Variants in NALF1 observed in about 807,000 individuals in gnomAD.
NALF1 encodes family with sequence similarity 155 member A.
Under a neutral mutation model 48.4 loss-of-function variants are expected in NALF1, and 3 were observed. That is an observed-to-expected ratio of 0.06 (90% CI 0.03 to 0.16). The LOEUF is 0.16. NALF1 is among the 10% of genes least tolerant of loss of function. The probability of loss-of-function intolerance (pLI) is 1.00; values close to 1 mark genes in which losing one functional copy is unlikely to be tolerated. For missense variants in NALF1, 526 were observed against 571.5 expected (o/e 0.92, Z 0.81); for synonymous variants, 262 against 245.7 (o/e 1.07, Z -0.62).
intron 1 of NALF1, among the ~76,000 whole-genome samples, chr13:107,627,335 C>A (rs957172275): frequency 2.0e-5 from 3 of 152,038 alleles, no homozygotes; most frequent in Admixed American, 2.0e-4. Context: ...ATTTATCAAA[C>A]CCTGTGTTAT....
chr13:107,413,267 C>A (rs1431057647), intron 1 of NALF1, among the ~76,000 whole-genome samples: 2 of 152,056 alleles, frequency 1.3e-5, no homozygotes, highest in African/African-American at 4.8e-5. Context: ...GAATAAATAA[C>A]CTGGACAGAA....
intron 1 of NALF1, among the ~76,000 whole-genome samples, chr13:107,430,421 C>T (rs1229568915): frequency 6.6e-6 from 1 of 152,046 alleles, no homozygotes; most frequent in East Asian, 1.9e-4. Context: ...GGTATATCTC[C>T]TAATGCTATC....
In NALF1 at chr13:107,865,780, G is replaced by A. The variant is rs758059010; in HGVS notation, c.817C>T (p.His273Tyr). 6.2e-7 allele frequency: 1 copy of A among 1,614,080 alleles called. No individual in the cohort carries two copies. Among genetic ancestry groups the A allele is most frequent in the East Asian group, 2.2e-5 (1 of 44,844 alleles). Residue 273 changes from histidine to tyrosine, a missense_variant, in exon 1 of 3, where the codon CAC becomes TAC. This residue lies in a region of NALF1 where 373 missense variants were observed against 355.5 expected (regional missense o/e 1.05). Transcript: ENST00000375915. ...QCVEAYQDYD[H>Y]HAQEKYEEFE... is the part of the protein sequence containing the mutation. ...TCTTCGTATTTCTCCTGAGCATGGTGGTCATAGTCCTGGTAAGCCTCGACG... is the reference window on the plus strand; with the variant it reads ...TCTTCGTATTTCTCCTGAGCATGGTAGTCATAGTCCTGGTAAGCCTCGACG...
At chr13:107,471,332 A>G (rs2139052756) in intron 1 of NALF1, among the ~76,000 whole-genome samples, 1 of 152,322 alleles carries the variant, frequency 6.6e-6, no homozygotes. Flanking sequence ...ACATATAAGA[A>G]AGAGCATTTT....
intron 1 of NALF1, among the ~76,000 whole-genome samples, chr13:107,333,521 C>A (rs192197925): frequency 1.1e-4 from 17 of 152,304 alleles, no homozygotes; most frequent in Non-Finnish European, 2.9e-5. Context: ...ACATTTTTCA[C>A]TGCTCTGGGC....
chr13:107,762,402 T>A (rs1877288619), intron 1 of NALF1, among the ~76,000 whole-genome samples: 1 of 151,994 alleles, frequency 6.6e-6, no homozygotes, highest in African/African-American at 2.4e-5. Flanking sequence ...ATTGTGCACA[T>A]ATAGCCTAGA....
intron 1 of NALF1, among the ~76,000 whole-genome samples, chr13:107,555,278 T>C (rs1877428071): frequency 6.6e-6 from 1 of 151,548 alleles, no homozygotes; most frequent in African/African-American, 2.4e-5. Context: ...AATTAATTAA[T>C]TAATTAATTT....
intron 1 of NALF1, among the ~76,000 whole-genome samples, chr13:107,468,047 C>CA (rs1287757353): frequency 0.19 from 14,463 of 75,018 alleles, 2,539 homozygotes; most frequent in African/African-American, 0.47. Flanking sequence ...GACTCCGTCT[C>CA]AAAAAAAAAA....
intron 1 of NALF1, among the ~76,000 whole-genome samples, chr13:107,326,514 A>G (rs1882367665): frequency 6.6e-6 from 1 of 152,170 alleles, no homozygotes. Flanking sequence ...TTTTATAGCA[A>G]TGAAAACTGA....
chr13:107,164,799 A>C lies in NALF1; in HGVS notation c.*5698T>G, dbSNP rs1346563076. On this transcript the variant is annotated 3_prime_UTR_variant, in exon 3 of 3. Coordinates refer to ENST00000375915, the MANE Select transcript of NALF1 (RefSeq NM_001080396.3). Reference sequence around the variant, plus strand: ...TTAAGGATGTGAGGTGTTGTTAAAAAAAAAATGTAATTAAGAGATAAGCCA... The same window carrying C: ...TTAAGGATGTGAGGTGTTGTTAAAACAAAAATGTAATTAAGAGATAAGCCA... The C allele has an allele frequency of 6.6e-6, 1 of 152,162 alleles. No homozygotes were observed. The highest frequency in any genetic ancestry group is 1.5e-5 in the Non-Finnish European group (1 of 68,032). The allele number at this position is 152,162 out of a possible 1,614,324, so 9.4% of individuals were successfully genotyped here. A position where few individuals can be genotyped will look rare whatever the true frequency, so the allele number is the denominator to read the frequency against.
chr13:107,440,022 T>C (rs768564243), intron 1 of NALF1, among the ~76,000 whole-genome samples: 8 of 152,222 alleles, frequency 5.3e-5, no homozygotes, highest in Non-Finnish European at 8.8e-5. Flanking sequence ...TTTCACTTAA[T>C]ATTTTGGAAT....
intron 1 of NALF1, among the ~76,000 whole-genome samples, chr13:107,667,388 T>C (rs1276455754): frequency 1.3e-5 from 2 of 152,058 alleles, no homozygotes; most frequent in Non-Finnish European, 2.9e-5. Flanking sequence ...AAGTTTTACT[T>C]CATATAATTT....
intron 1 of NALF1, among the ~76,000 whole-genome samples, chr13:107,325,863 T>C (rs1369249527): frequency 6.6e-5 from 5 of 76,074 alleles, no homozygotes; most frequent in African/African-American, 1.9e-4. Flanking sequence ...CACATATATA[T>C]ATATATATAT....
At chr13:107,319,475 A>T (rs1293819982) in intron 1 of NALF1, among the ~76,000 whole-genome samples, 1 of 152,066 alleles carries the variant, frequency 6.6e-6, no homozygotes, top group African/African-American at 2.4e-5. Flanking sequence ...GGAACAGATA[A>T]AGGCGCAATA....
intron 1 of NALF1, among the ~76,000 whole-genome samples, chr13:107,856,032 G>A (rs1480479720): frequency 6.6e-6 from 1 of 151,904 alleles, no homozygotes; most frequent in Non-Finnish European, 1.5e-5. Context: ...AGCCTCCTGT[G>A]TAGCTGGGAC....
chr13:107,529,724 C>A (rs1876564387), intron 1 of NALF1, among the ~76,000 whole-genome samples: 1 of 152,024 alleles, frequency 6.6e-6, no homozygotes, highest in Non-Finnish European at 1.5e-5. Context: ...CATCTTTTTC[C>A]TTTTTTTAGA....
At chr13:107,525,721 T>C (rs1019655944) in intron 1 of NALF1, among the ~76,000 whole-genome samples, 1 of 152,176 alleles carries the variant, frequency 6.6e-6, no homozygotes, top group Non-Finnish European at 1.5e-5. Flanking sequence ...TACTATTCTG[T>C]GCTGTTTACT....
intron 1 of NALF1, among the ~76,000 whole-genome samples, chr13:107,346,377 A>G (rs1012991985): frequency 6.6e-5 from 10 of 152,204 alleles, no homozygotes; most frequent in African/African-American, 2.4e-4. Context: ...ACGCCACCTA[A>G]ATGTACATCC....
At chr13:107,260,687 T>A (rs780367955) in intron 1 of NALF1, among the ~76,000 whole-genome samples, 3 of 152,206 alleles carry the variant, frequency 2.0e-5, no homozygotes, top group African/African-American at 7.2e-5. Context: ...CCTTACATTT[T>A]AAAAATCCTG....
Sources: gnomAD v4.1 joint callset for allele counts (sites outside exome capture counted in the v4.1 genomes callset) on GRCh38, gnomAD v4.1.1 for gene constraint, gnomAD v4.1.1 regional missense constraint, MANE v1.5 for transcripts, NCBI Gene and HGNC (gene_info 2026-07-23, HGNC 2026-07-21) for gene names.